EGFLAM: variants seen among roughly 807,000 people sequenced by gnomAD.
EGFLAM encodes the protein EGF like, fibronectin type III and laminin G domains, also known as pikachurin.
EGFLAM carries 79 observed loss-of-function variants against 113.1 expected under a neutral mutation model. The observed-to-expected ratio is 0.70, with a 90% CI of 0.58 to 0.84. EGFLAM has a LOEUF of 0.84. EGFLAM is among the 40% of genes least tolerant of loss of function. The probability of loss-of-function intolerance (pLI) is 0.00; values close to 1 mark genes in which losing one functional copy is unlikely to be tolerated. For missense variants in EGFLAM, 1,265 were observed against 1,291.6 expected, an observed-to-expected ratio of 0.98 and a Z score of 0.32; for synonymous variants, 504 against 487.6, an observed-to-expected ratio of 1.03 and a Z score of -0.44.
rs769476744 is a variant in EGFLAM, at chr5:38,412,678, C to G, written c.1494+30C>G. 8 of 1,607,230 alleles carry G rather than the reference C, an allele frequency of 5.0e-6. No homozygotes were observed. In the East Asian group the frequency reaches 1.3e-4, roughly 27 times the overall value. ...GTATGAGCCCCACACCCTGCCCACC[C>G]CACATACCACCCACCATAAGTCTCC... is the stretch of plus-strand genomic sequence containing the variant. On this transcript the variant is annotated intron_variant, in intron 11 of 21. Coordinates refer to ENST00000322350, the MANE Select transcript of EGFLAM (RefSeq NM_152403.4).
chr5:38,444,350 G>A (rs1742640717), intron 17 of EGFLAM, among the ~76,000 whole-genome samples: 3 of 152,160 alleles, frequency 2.0e-5, no homozygotes, highest in Admixed American at 2.0e-4. Flanking sequence ...TTTGTTAAAG[G>A]ATACAAAATT....
At chr5:38,383,051 C>T (rs1579847706) in intron 6 of EGFLAM, among the ~76,000 whole-genome samples, 2 of 152,166 alleles carry the variant, frequency 1.3e-5, no homozygotes, top group South Asian at 4.1e-4. Flanking sequence ...CCGGACGAGC[C>T]CTTGCGACTC....
Position 38,331,488 on chromosome 5 carries a change from T to G in EGFLAM, c.98-6032T>G, listed in dbSNP as rs770548555. ...ATGTCATAGAGTTAGAATCATACAG[T>G]ATGTAGCCTCTTCAGATTGGCTTCT... On this transcript the variant is annotated intron_variant, in intron 1 of 21. Transcript: ENST00000322350. 5.9e-5 allele frequency among the ~76,000 whole-genome samples: 9 copies of G among 152,252 alleles called. No homozygotes were observed. The Middle Eastern group carries it at 0.01, about 173-fold the overall frequency.
At chr5:38,398,486 C>T (rs899015225) in intron 6 of EGFLAM, among the ~76,000 whole-genome samples, 3 of 152,098 alleles carry the variant, frequency 2.0e-5, no homozygotes, top group Admixed American at 6.5e-5. Context: ...GTCTGGGATA[C>T]AGGGAAGACA....
At chr5:38,334,725 GTGGTAGTAGTAAGAGC>G (rs1739140920) in intron 1 of EGFLAM, among the ~76,000 whole-genome samples, 1 of 152,166 alleles carries the variant, frequency 6.6e-6, no homozygotes, top group Non-Finnish European at 1.5e-5. Flanking sequence ...TCTTTAAAAA[GTGGTAGTAGTAAGAGC>G]TGGTGGGGCT....
At chr5:38,309,372 T>C (rs1758806768) in intron 1 of EGFLAM, among the ~76,000 whole-genome samples, 1 of 152,194 alleles carries the variant, frequency 6.6e-6, no homozygotes, top group Admixed American at 6.5e-5. Context: ...ATAGGCAAGG[T>C]TGAGACATGC....
At chr5:38,291,261 T>C (rs572963182) in intron 1 of EGFLAM, among the ~76,000 whole-genome samples, 2 of 152,230 alleles carry the variant, frequency 1.3e-5, no homozygotes, top group Non-Finnish European at 2.9e-5. Context: ...ATAAGGCAGG[T>C]AAATATGACT....
At chr5:38,414,265 G>A (rs769918895) in intron 11 of EGFLAM, among the ~76,000 whole-genome samples, 8 of 152,224 alleles carry the variant, frequency 5.3e-5, no homozygotes, top group Non-Finnish European at 1.5e-5. Context: ...GACAGGGTCA[G>A]CGAACTGCAT....
At chr5:38,390,049 GC>G (rs1740770139) in intron 6 of EGFLAM, among the ~76,000 whole-genome samples, 1 of 152,220 alleles carries the variant, frequency 6.6e-6, no homozygotes, top group Admixed American at 6.5e-5. Context: ...CTTAATAGGT[GC>G]CACATTTTTT....
At chr5:38,354,959 G>A (rs1425249519) in intron 5 of EGFLAM, among the ~76,000 whole-genome samples, 1 of 152,150 alleles carries the variant, frequency 6.6e-6, no homozygotes, top group Non-Finnish European at 1.5e-5. Flanking sequence ...CTGGGAGAGA[G>A]TGCTGCCTTC....
chr5:38,266,747 A>G (rs1420459747), intron 1 of EGFLAM, among the ~76,000 whole-genome samples: 2 of 152,162 alleles, frequency 1.3e-5, no homozygotes, highest in African/African-American at 4.8e-5. Context: ...TCTTGGGGGA[A>G]GTTTTGCAGG....
chr5:38,274,980 A>ATT (rs35097909), intron 1 of EGFLAM, among the ~76,000 whole-genome samples: 10 of 151,688 alleles, frequency 6.6e-5, no homozygotes, highest in South Asian at 4.2e-4. Context: ...AAGTGTAGAG[A>ATT]TTTTTTTTTC....
At chr5:38,297,843 G>C (rs556011960) in intron 1 of EGFLAM, among the ~76,000 whole-genome samples, 1 of 152,304 alleles carries the variant, frequency 6.6e-6, no homozygotes, top group South Asian at 2.1e-4. Context: ...CAAAGATTCA[G>C]AGCTATTTCT....
At chr5:38,444,519 C>A (rs947708857) in intron 17 of EGFLAM, among the ~76,000 whole-genome samples, 1 of 152,156 alleles carries the variant, frequency 6.6e-6, no homozygotes, top group African/African-American at 2.4e-5. Context: ...ATGCTAATTA[C>A]CCTGATCTGA....
intron 1 of EGFLAM, among the ~76,000 whole-genome samples, chr5:38,333,115 C>T (rs2111931419): frequency 6.6e-6 from 1 of 152,240 alleles, no homozygotes; most frequent in Non-Finnish European, 1.5e-5. Context: ...ATTCATGTTC[C>T]CACAAAAGAC....
chr5:38,458,995 A>G (rs1195390416), intron 20 of EGFLAM, among the ~76,000 whole-genome samples: 2 of 151,636 alleles, frequency 1.3e-5, no homozygotes, highest in Non-Finnish European at 2.9e-5. Context: ...AGACTTTCAA[A>G]TCTCATTGTA....
chr5:38,453,463 G>A (rs143967649), intron 19 of EGFLAM, among the ~76,000 whole-genome samples: 134 of 152,284 alleles, frequency 8.8e-4, no homozygotes, highest in African/African-American at 3.2e-3. Flanking sequence ...AATGTCACTT[G>A]TCCAATGTTA....
chr5:38,350,170 C>G lies in EGFLAM; in HGVS notation c.292-331C>G, dbSNP rs552526697. Among the ~76,000 whole-genome samples, 9 of 152,248 alleles carry G rather than the reference C, an allele frequency of 5.9e-5. No homozygotes were observed. In the South Asian group the frequency reaches 1.5e-3, roughly 25 times the overall value. ...GAAAGAAGGAACTGGGGAATTACAG[C>G]CTTAGAAAGAATCATTACCTGCCTT... On this transcript the variant is annotated intron_variant, in intron 3 of 21. Coordinates refer to ENST00000322350, the MANE Select transcript of EGFLAM (RefSeq NM_152403.4).
chr5:38,451,749 G>A (rs1014735734), intron 19 of EGFLAM: 9 of 297,388 alleles, frequency 3.0e-5, no homozygotes, highest in East Asian at 1.2e-4. Flanking sequence ...CTAGCACTTC[G>A]GGAGGCCGAG....
Sources: allele counts gnomAD v4.1 joint callset (sites outside exome capture counted in the v4.1 genomes callset), GRCh38; gene constraint gnomAD v4.1.1; transcripts MANE v1.5; gene names NCBI Gene and HGNC (gene_info 2026-07-23, HGNC 2026-07-21).